OR51B5: variants seen among roughly 807,000 people sequenced by gnomAD.
OR51B5 encodes the protein olfactory receptor 51B5.
For synonymous variants in OR51B5, 186 were observed against 144.8 expected (o/e 1.28, Z -2.04); for missense variants, 456 against 374.6 (o/e 1.22, Z -1.79).
chr11:5,435,680 A>C (rs1321758509), intron 1 of OR51B5, among the ~76,000 whole-genome samples: 1 of 152,120 alleles, frequency 6.6e-6, no homozygotes, highest in African/African-American at 2.4e-5. Context: ...CCCTTTAGCT[A>C]TTTCTCCAAG....
At chr11:5,359,399 T>A in intron 1 of OR51B5, among the ~76,000 whole-genome samples, 1 of 137,494 alleles carries the variant, frequency 7.3e-6, no homozygotes, top group African/African-American at 2.7e-5. Context: ...CACAATTGCT[T>A]CAAAGAGAAT....
chr11:5,390,597 G>A (rs1328513282), intron 1 of OR51B5: 2 of 502,980 alleles, frequency 4.0e-6, no homozygotes, highest in Non-Finnish European at 7.0e-6. Flanking sequence ...TGGCATTTTT[G>A]GTAGCATCAA....
At chr11:5,416,076 C>A (rs1365429190) in intron 1 of OR51B5, among the ~76,000 whole-genome samples, 4 of 149,094 alleles carry the variant, frequency 2.7e-5, no homozygotes, top group Admixed American at 1.3e-4. Flanking sequence ...AGCTTATCCA[C>A]CATGATCAAG....
At chr11:5,385,594 A>G (rs550462843) in intron 1 of OR51B5, 3 of 152,228 alleles carry the variant, frequency 2.0e-5, no homozygotes, top group Admixed American at 2.0e-4. Flanking sequence ...TAAAAAATGA[A>G]TTATTAGGTT....
At chr11:5,412,906 A>C (rs892527182) in intron 1 of OR51B5, among the ~76,000 whole-genome samples, 21 of 151,988 alleles carry the variant, frequency 1.4e-4, no homozygotes, top group Non-Finnish European at 2.4e-4. Context: ...CTGCAGACTT[A>C]AATGTCCCTG....
At chr11:5,488,664 A>C (rs370411933) in intron 1 of OR51B5, 2 of 1,286,462 alleles carry the variant, frequency 1.6e-6, no homozygotes, top group Admixed American at 1.9e-5. Flanking sequence ...CAGGGCAAGC[A>C]TAACAATACT....
At chr11:5,423,061 G>C (rs759576333) in intron 1 of OR51B5, 6 of 1,613,832 alleles carry the variant, frequency 3.7e-6, no homozygotes, top group Non-Finnish European at 5.1e-6. Context: ...TGGCACCCCC[G>C]GTGATGAACC....
intron 1 of OR51B5, among the ~76,000 whole-genome samples, chr11:5,459,704 G>A (rs944653707): frequency 2.6e-5 from 4 of 152,136 alleles, no homozygotes; most frequent in African/African-American, 9.7e-5. Context: ...CAGTCTAAAT[G>A]GCTAGTATTA....
At chr11:5,490,577 T>C (rs1194653343) in intron 1 of OR51B5, among the ~76,000 whole-genome samples, 1 of 152,212 alleles carries the variant, frequency 6.6e-6, no homozygotes, top group Non-Finnish European at 1.5e-5. Context: ...ATCTCAGTTC[T>C]GAAATAAATA....
chr11:5,466,313 T>A (rs2133797568), intron 1 of OR51B5, among the ~76,000 whole-genome samples: 1 of 152,320 alleles, frequency 6.6e-6, no homozygotes. Context: ...TATATTTACA[T>A]ATATGTGATG....
rs115963732 is a variant in OR51B5, at chr11:5,452,085, T to C, written n.84+53484A>G. Among the ~76,000 whole-genome samples the C allele has an allele frequency of 6.0e-3, 921 of 152,322 alleles. 10 individuals are homozygous for C. The highest frequency in any genetic ancestry group is 0.02 in the African/African-American group (836 of 41,574). On this transcript the variant is annotated intron_variant and non_coding_transcript_variant, in intron 1 of 4. Coordinates refer to the OR51B5 transcript ENST00000415970. ...TATCAGTGGGCAGTCCCCAAGCATG[T>C]AGATAGAAGTGTTGTGTGAGTATAC...
intron 1 of OR51B5, chr11:5,389,870 CT>C: frequency 6.2e-7 from 1 of 1,613,588 alleles, no homozygotes; most frequent in Non-Finnish European, 8.5e-7. Flanking sequence ...CAGAGCAGGC[CT>C]AATTGTCATC....
intron 1 of OR51B5, among the ~76,000 whole-genome samples, chr11:5,400,763 T>G (rs750063412): frequency 1.8e-4 from 27 of 152,244 alleles, no homozygotes; most frequent in Non-Finnish European, 3.4e-4. Context: ...GGTCTAGGAC[T>G]CTGTGTTGCC....
chr11:5,496,357 T>C (rs1370852777), intron 1 of OR51B5, among the ~76,000 whole-genome samples: 10 of 1,130 alleles, frequency 8.8e-3, no homozygotes, highest in Non-Finnish European at 0.018. Flanking sequence ...TGATTTGAAT[T>C]GGCAACAAAA....
intron 1 of OR51B5, among the ~76,000 whole-genome samples, chr11:5,386,440 T>G (rs2736535): frequency 0.6 from 91,038 of 151,958 alleles, 27,412 homozygotes; most frequent in South Asian, 0.7. Context: ...TGTGAAGTAG[T>G]AATAAAATGT....
chr11:5,453,543 G>A (rs751811140), intron 1 of OR51B5: 1 of 1,604,890 alleles, frequency 6.2e-7, no homozygotes, highest in Non-Finnish European at 8.5e-7. Flanking sequence ...TGGTATCCCT[G>A]GTCTGGAGAG....
chr11:5,367,278 C>T (rs1320581487), intron 1 of OR51B5, among the ~76,000 whole-genome samples: 1 of 151,986 alleles, frequency 6.6e-6, no homozygotes, highest in Non-Finnish European at 1.5e-5. Context: ...ATTTCGTGCC[C>T]AAGAAAGAAT....
intron 1 of OR51B5, among the ~76,000 whole-genome samples, chr11:5,399,228 C>A (rs1180583421): frequency 2.0e-5 from 3 of 152,160 alleles, no homozygotes; most frequent in Admixed American, 2.0e-4. Flanking sequence ...GTGGGAAATT[C>A]TTGTCTCCTT....
At chr11:5,372,055 TCCC>T (rs1269048568) in intron 1 of OR51B5, among the ~76,000 whole-genome samples, 1 of 152,076 alleles carries the variant, frequency 6.6e-6, no homozygotes, top group Non-Finnish European at 1.5e-5. Context: ...GTTTATACAT[TCCC>T]CCCATCTCCT....
Sources: gnomAD v4.1 joint callset for allele counts (sites outside exome capture counted in the v4.1 genomes callset) on GRCh38, gnomAD v4.1.1 for gene constraint, MANE v1.5 for transcripts, NCBI Gene and HGNC (gene_info 2026-07-23, HGNC 2026-07-21) for gene names.